Variants in CHCHD10 observed in about 807,000 individuals in gnomAD.
CHCHD10 encodes coiled-coil-helix-coiled-coil-helix domain containing 10.
CHCHD10 carries 10 observed loss-of-function variants against 14.8 expected under a neutral mutation model. That is an observed-to-expected ratio of 0.67 (90% CI 0.42 to 1.14). The LOEUF (loss-of-function observed/expected upper bound fraction) is 1.14, where lower values mean the gene tolerates loss of function less well. CHCHD10 is among the 50% of genes most tolerant of loss of function. The pLI, the probability that CHCHD10 is intolerant of heterozygous loss-of-function variation, is 0.00. For missense variants in CHCHD10, 203 were observed against 196.9 expected, an observed-to-expected ratio of 1.03 and a Z score of -0.19; for synonymous variants, 90 against 85.2, an observed-to-expected ratio of 1.06 and a Z score of -0.31.
chr22:23,766,100 C>A, intron 3 of CHCHD10, 28 bp downstream of exon 3: 1 of 1,613,324 alleles, frequency 6.2e-7, no homozygotes, highest in Non-Finnish European at 8.5e-7. Flanking sequence ...CTCCCCCTCC[C>A]CGCCTGAGTC....
intron 2 of CHCHD10, among the ~76,000 whole-genome samples, chr22:23,766,657 T>C (rs1926851706): frequency 6.6e-6 from 1 of 152,098 alleles, no homozygotes; most frequent in South Asian, 2.1e-4. Flanking sequence ...TTTCACTATG[T>C]TGGCCAGGCT....
Position 23,767,868 on chromosome 22 carries a change from G to A in CHCHD10, c.7C>T (p.Arg3Trp), listed in dbSNP as rs1926995413. Residue 3 changes from arginine (R) to tryptophan (W), a missense_variant, in exon 1 of 4, where the codon CGG becomes TGG. Physicochemically the swap from Arg to Trp is moderately radical, Grantham distance 101. Transcript: ENST00000484558. MP[R>W]GSRSAASRPA... ...CGGGAGGCCGCGCTGCGGCTTCCCC[G>A]AGGCATGGTGGCGGCGGTGGGACCC... The A allele has an allele frequency of 6.6e-7, 1 of 1,513,104 alleles. No individual in the cohort carries two copies. The highest frequency in any genetic ancestry group is 1.8e-4 in the Middle Eastern group (1 of 5,682). 93.7% of individuals were successfully genotyped at this position (1,513,104 alleles called of 1,614,324 possible).
chr22:23,766,480 TCTCA>T (rs1469982034), intron 2 of CHCHD10: 83 of 535,934 alleles, frequency 1.5e-4, no homozygotes, highest in Middle Eastern at 1.5e-3. Context: ...TGAGACAGAG[TCTCA>T]CTCTGTCACC....
intron 1 of CHCHD10, 28 bp from the exon 2 acceptor site, chr22:23,767,621 A>C: frequency 9.8e-7 from 1 of 1,015,366 alleles, no homozygotes; most frequent in Non-Finnish European, 1.3e-6. Context: ...AGCAGGGTTA[A>C]TCCTGGCCAG....
In CHCHD10 at chr22:23,767,816, C is replaced by T; in HGVS notation, c.41+18G>A. 6.5e-7 allele frequency: 1 copy of T among 1,543,942 alleles called. No individual in the cohort carries two copies. The highest frequency in any genetic ancestry group is 1.2e-5 in the South Asian group (1 of 84,194). ...CTTCCCTAACCCCCTCCCCACAGGG[C>T]CCTTGTCCCCCTCACACCTGGCTGG... On this transcript the variant is annotated intron_variant, in intron 1 of 3. Transcript: ENST00000484558.
chr22:23,767,696 C>A, intron 1 of CHCHD10, 103 bp from the exon 2 acceptor site: 1 of 867,832 alleles, frequency 1.2e-6, no homozygotes, highest in Non-Finnish European at 1.7e-6. Context: ...CCCACGTCTC[C>A]ACACGTGGGT....
At chr22:23,766,449 G>C in intron 2 of CHCHD10, 174 bp from the exon 3 acceptor site, 1 of 525,906 alleles carries the variant, frequency 1.9e-6, no homozygotes, top group Non-Finnish European at 3.3e-6. Flanking sequence ...TGTTTCTGCT[G>C]CCTTTTTTTT....
intron 2 of CHCHD10, chr22:23,766,588 G>T: frequency 3.2e-6 from 1 of 316,366 alleles, no homozygotes; most frequent in Non-Finnish European, 5.9e-6. Context: ...AAGTAGCTGG[G>T]GCTACAGGCG....
In CHCHD10 at chr22:23,767,432, G is replaced by A. The variant is rs1926925550; in HGVS notation, c.203C>T (p.Ala68Val). 4 of 1,606,076 alleles carry A rather than the reference G, an allele frequency of 2.5e-6. No individual in the cohort carries two copies. The highest frequency in any genetic ancestry group is 3.4e-6 in the Non-Finnish European group (4 of 1,178,042). The part of the protein sequence containing the change: ...GSAVGHVMGS[A>V]LTGAFSGGSS... ...CCCCCCGCTGAAGGCTCCGGTCAGG[G>A]CGCTGCCCATGACGTGTCCCACAGC... Residue 68 changes from alanine (A) to valine (V), a missense_variant, in exon 2 of 4, where the codon GCC (alanine) becomes GTC (valine). Coordinates refer to ENST00000484558, the MANE Select transcript of CHCHD10 (RefSeq NM_213720.3).
In CHCHD10 at chr22:23,765,983, G is replaced by A; in HGVS notation, c.*24C>T. The A allele has an allele frequency of 3.7e-6, 6 of 1,613,042 alleles. No homozygotes were observed. The highest frequency in any genetic ancestry group is 1.1e-5 in the South Asian group (1 of 91,000). ...AGGGGTAGAGGTGGGTGCAGGACTG[G>A]CCCCCGAGTCTGCACCGACCTCTTC... On this transcript the variant is annotated 3_prime_UTR_variant, in exon 4 of 4. Coordinates refer to ENST00000484558, the MANE Select transcript of CHCHD10 (RefSeq NM_213720.3).
intron 2 of CHCHD10, among the ~76,000 whole-genome samples, chr22:23,767,025 G>C (rs1264445518): frequency 1.3e-5 from 2 of 152,222 alleles, no homozygotes; most frequent in African/African-American, 4.8e-5. Context: ...GCCCAGACCT[G>C]GGTGTGGGGA....
Position 23,767,402 on chromosome 22 carries a change from G to A in CHCHD10, c.233C>T (p.Ser78Leu), listed in dbSNP as rs1333579062. 3.1e-6 allele frequency: 5 copies of A among 1,608,366 alleles called. No homozygotes were observed. Among genetic ancestry groups the A allele is most frequent in the Admixed American group, 1.7e-5 (1 of 59,820 alleles). The change falls in exon 2 of 4, where the codon TCG becomes TTG. Residue 78 changes from serine (S) to leucine (L), a missense_variant. By Grantham distance (145) the Ser-to-Leu change is moderately radical. Coordinates refer to ENST00000484558, the MANE Select transcript of CHCHD10 (RefSeq NM_213720.3). ...ALTGAFSGGS[S>L]EPSQPAVQQA... The stretch of plus-strand genomic sequence containing the variant: ...CTGGACAGCAGGCTGGGAGGGCTCC[G>A]AGCTCCCCCCGCTGAAGGCTCCGGT...
intron 2 of CHCHD10, among the ~76,000 whole-genome samples, chr22:23,766,990 C>T (rs952740676): frequency 1.1e-4 from 16 of 152,228 alleles, no homozygotes; most frequent in Admixed American, 4.6e-4. Context: ...GGCTCCCCTT[C>T]GCCCTTGCGC....
intron 1 of CHCHD10, 70 bp from the exon 2 acceptor site, chr22:23,767,663 A>T (rs1042797673): frequency 1.2e-6 from 1 of 845,340 alleles, no homozygotes. Flanking sequence ...GCTCCTGGAA[A>T]CGACCCCCGG....
In CHCHD10 at chr22:23,767,503, G is replaced by A. The variant is rs776304054; in HGVS notation, c.132C>T (p.Leu44=). 1.4e-5 allele frequency: 22 copies of A among 1,550,620 alleles called. 1 individual carries two copies. The African/African-American group carries it at 1.7e-4, about 12-fold the overall frequency. Residue 44 remains leucine (L), a synonymous_variant, in exon 2 of 4, where the codon CTC becomes CTT. Coordinates refer to ENST00000484558, the MANE Select transcript of CHCHD10 (RefSeq NM_213720.3). The part of the protein sequence containing the change: ...PAPAPSGQPG[L]MAQMATTAAG... ...CGGCCGTGGTCGCCATCTGAGCCATGAGCCCCGGCTGGCCCGAAGGGGCGG... is the reference window on the plus strand; with the variant it reads ...CGGCCGTGGTCGCCATCTGAGCCATAAGCCCCGGCTGGCCCGAAGGGGCGG...
chr22:23,767,859 G>T lies in CHCHD10; in HGVS notation c.16C>A (p.Arg6Ser), dbSNP rs751472303. 1 of 1,518,206 alleles carries T rather than the reference G, an allele frequency of 6.6e-7. No homozygotes were observed. 94.0% of individuals were successfully genotyped at this position (1,518,206 alleles called of 1,614,324 possible). A position where few individuals can be genotyped will look rare whatever the true frequency, so the allele number is the denominator to read the frequency against. MPRGSRSAASRPASRP... is the reference protein window; with the variant it reads MPRGSSSAASRPASRP... ...CTGGCTGGCCGGGAGGCCGCGCTGC[G>T]GCTTCCCCGAGGCATGGTGGCGGCG... Residue 6 changes from arginine (R) to serine (S), a missense_variant, in exon 1 of 4, where the codon CGC becomes AGC. Coordinates refer to ENST00000484558, the MANE Select transcript of CHCHD10 (RefSeq NM_213720.3).
At position 23,767,433 on chromosome 22, in the gene CHCHD10, C is replaced by T; in HGVS notation, c.202G>A (p.Ala68Thr). The T allele has an allele frequency of 6.2e-7, 1 of 1,605,734 alleles. No individual in the cohort carries two copies. The highest frequency in any genetic ancestry group is 8.5e-7 in the Non-Finnish European group (1 of 1,177,862). ...CCCCCGCTGAAGGCTCCGGTCAGGG[C>T]GCTGCCCATGACGTGTCCCACAGCC... ...GSAVGHVMGS[A>T]LTGAFSGGSS... The change falls in exon 2 of 4, where the codon GCC becomes ACC. Residue 68 changes from alanine to threonine, a missense_variant. Physicochemically the swap from Ala to Thr is moderately conservative, Grantham distance 58. Coordinates refer to ENST00000484558, the MANE Select transcript of CHCHD10 (RefSeq NM_213720.3).
In CHCHD10 at chr22:23,765,966, A is replaced by C. The variant is rs748846911; in HGVS notation, c.*41T>G. ...TGGTCTGGCTGTCGGCGAGGGGTAG[A>C]GGTGGGTGCAGGACTGGCCCCCGAG... is the stretch of plus-strand genomic sequence containing the variant. On this transcript the variant is annotated 3_prime_UTR_variant, in exon 4 of 4. Coordinates refer to ENST00000484558, the MANE Select transcript of CHCHD10 (RefSeq NM_213720.3). 1 of 1,612,744 alleles carries C rather than the reference A, an allele frequency of 6.2e-7. No individual in the cohort carries two copies. The highest frequency in any genetic ancestry group is 1.1e-5 in the South Asian group (1 of 90,970).
At chr22:23,767,262 T>C in intron 2 of CHCHD10, 112 bp downstream of exon 2, 1 of 915,416 alleles carries the variant, frequency 1.1e-6, no homozygotes, top group Non-Finnish European at 1.7e-6. Context: ...GGCAGAGTCC[T>C]GGGCTGAAGC....
Sources: allele counts gnomAD v4.1 joint callset (sites outside exome capture counted in the v4.1 genomes callset), GRCh38; gene constraint gnomAD v4.1.1; transcripts MANE v1.5; gene names NCBI Gene and HGNC (gene_info 2026-07-23, HGNC 2026-07-21).